SHISA9: variants seen among roughly 807,000 people sequenced by gnomAD.
SHISA9 encodes the protein shisa family member 9, also known as protein shisa-9.
In SHISA9, 13 loss-of-function variants were observed where a neutral mutation model predicts 38.0. That is an observed-to-expected ratio of 0.34 (90% CI 0.22 to 0.54). The LOEUF (loss-of-function observed/expected upper bound fraction) is 0.54. Ranked by LOEUF, SHISA9 falls within the 20% of genes least tolerant of loss-of-function variation. The pLI is 0.91. For synonymous variants in SHISA9, 275 were observed against 242.0 expected, an observed-to-expected ratio of 1.14 and a Z score of -1.27; for missense variants, 538 against 575.8, an observed-to-expected ratio of 0.93 and a Z score of 0.67.
At chr16:13,514,027 C>T in the SHISA9 span, among the ~76,000 whole-genome samples, 1 of 152,036 alleles carries the variant, frequency 6.6e-6, no homozygotes, top group South Asian at 2.1e-4. Context: ...CAAAGTCATG[C>T]TCTGTCACGC....
chr16:13,219,713 T>G (rs2051203801), intron 4 of SHISA9, among the ~76,000 whole-genome samples: 1 of 152,080 alleles, frequency 6.6e-6, no homozygotes, highest in Non-Finnish European at 1.5e-5. Flanking sequence ...GAGAGAGGCT[T>G]TGGGAGGCCG....
chr16:13,408,288 T>A, the SHISA9 span, among the ~76,000 whole-genome samples: 3 of 152,142 alleles, frequency 2.0e-5, no homozygotes, highest in Non-Finnish European at 4.4e-5. Flanking sequence ...GATATAAAAA[T>A]GAATATTTAC....
At chr16:12,935,586 G>C (rs917703882) in intron 2 of SHISA9, among the ~76,000 whole-genome samples, 5 of 152,150 alleles carry the variant, frequency 3.3e-5, no homozygotes, top group Non-Finnish European at 7.4e-5. Context: ...AGGGGCTCAC[G>C]CTGGTAATCC....
chr16:13,028,307 G>A (rs2072949953), intron 2 of SHISA9, among the ~76,000 whole-genome samples: 1 of 152,158 alleles, frequency 6.6e-6, no homozygotes, highest in Non-Finnish European at 1.5e-5. Flanking sequence ...TTCTCCCCAG[G>A]AAGTGATAAA....
chr16:13,557,900 C>T, the SHISA9 span, among the ~76,000 whole-genome samples: 1 of 152,086 alleles, frequency 6.6e-6, no homozygotes, highest in Non-Finnish European at 1.5e-5. Flanking sequence ...ACTCCCACCA[C>T]AGGGTTTTCA....
chr16:13,368,378 A>G, the SHISA9 span, among the ~76,000 whole-genome samples: 1 of 152,122 alleles, frequency 6.6e-6, no homozygotes, highest in African/African-American at 2.4e-5. Context: ...TCAGATATAC[A>G]CAGTATCGCT....
At chr16:13,175,299 G>GGATC (rs773064080) in intron 2 of SHISA9, among the ~76,000 whole-genome samples, 14 of 152,324 alleles carry the variant, frequency 9.2e-5, no homozygotes, top group Non-Finnish European at 2.1e-4. Flanking sequence ...TGAGGTGGGA[G>GGATC]GATCGCTCAA....
chr16:12,970,416 T>C (rs1227672578), intron 2 of SHISA9, among the ~76,000 whole-genome samples: 2 of 38,932 alleles, frequency 5.1e-5, no homozygotes, highest in Non-Finnish European at 8.9e-5. Flanking sequence ...TATATATATA[T>C]ACACATATAT....
chr16:13,181,290 TATATATATATATATATATATATAC>T (rs1041370060), intron 2 of SHISA9, among the ~76,000 whole-genome samples: 2 of 43,540 alleles, frequency 4.6e-5, no homozygotes, highest in South Asian at 6.4e-4. Context: ...TATATATATA[TATATATATATATATATATATATAC>T]ACACACACAC....
intron 2 of SHISA9, among the ~76,000 whole-genome samples, chr16:13,146,358 A>T (rs940996956): frequency 6.6e-6 from 1 of 151,324 alleles, no homozygotes. Context: ...CATAGCTTTT[A>T]TTTTTTTTTA....
At chr16:13,561,928 A>G in the SHISA9 span, among the ~76,000 whole-genome samples, 1 of 151,608 alleles carries the variant, frequency 6.6e-6, no homozygotes, top group Non-Finnish European at 1.5e-5. Flanking sequence ...TAAAGATAGG[A>G]CTAGTTTTAG....
At chr16:13,096,501 C>T (rs2073829411) in intron 2 of SHISA9, among the ~76,000 whole-genome samples, 1 of 152,068 alleles carries the variant, frequency 6.6e-6, no homozygotes, top group Non-Finnish European at 1.5e-5. Flanking sequence ...AGGGAAGGAT[C>T]CTGATGCAAG....
chr16:12,925,789 C>G (rs1438991513), intron 2 of SHISA9, among the ~76,000 whole-genome samples: 1 of 152,130 alleles, frequency 6.6e-6, no homozygotes, highest in Non-Finnish European at 1.5e-5. Flanking sequence ...ATAGGAAATG[C>G]CTACTATAGC....
At chr16:13,181,312 TAC>T (rs1217237745) in intron 2 of SHISA9, among the ~76,000 whole-genome samples, 1,217 of 33,696 alleles carry the variant, frequency 0.036, 21 homozygotes, top group East Asian at 0.13. Context: ...TATATATATA[TAC>T]ACACACACAC....
chr16:13,249,721 T>G, the SHISA9 span, among the ~76,000 whole-genome samples: 1 of 152,144 alleles, frequency 6.6e-6, no homozygotes, highest in Non-Finnish European at 1.5e-5. Flanking sequence ...TCACTTGATC[T>G]CCACCTTTCT....
chr16:12,934,331 C>T (rs1014292317), intron 2 of SHISA9, among the ~76,000 whole-genome samples: 4 of 152,184 alleles, frequency 2.6e-5, no homozygotes, highest in Admixed American at 2.6e-4. Flanking sequence ...AATAATGCTT[C>T]CCAGTGGATG....
downstream of SHISA9, chr16:13,240,421 G>A (rs1204243264): frequency 1.3e-5 from 2 of 152,202 alleles, no homozygotes; most frequent in East Asian, 1.9e-4. Context: ...ATGTGAGGCT[G>A]TTGGGATTGT....
At chr16:13,430,540 T>G in the SHISA9 span, among the ~76,000 whole-genome samples, 3 of 152,250 alleles carry the variant, frequency 2.0e-5, no homozygotes, top group Non-Finnish European at 4.4e-5. Context: ...AGACGTAATG[T>G]CTGCTCGACA....
chr16:13,395,176 G>A, the SHISA9 span, among the ~76,000 whole-genome samples: 1 of 152,138 alleles, frequency 6.6e-6, no homozygotes, highest in Admixed American at 6.6e-5. Flanking sequence ...TGGAGGGCTG[G>A]TGCACCTTCG....
Sources: allele counts gnomAD v4.1 joint callset (sites outside exome capture counted in the v4.1 genomes callset), GRCh38; gene constraint gnomAD v4.1.1; transcripts MANE v1.5; gene names NCBI Gene and HGNC (gene_info 2026-07-23, HGNC 2026-07-21).